The following PFKFB3 variants were observed in gnomAD, a reference collection of about 807,000 sequenced individuals.
PFKFB3 encodes the protein 6-phosphofructo-2-kinase/fructose-2,6-biphosphatase 3, also known as 6-phosphofructo-2-kinase/fructose-2,6-bisphosphatase 3.
In PFKFB3, 33 loss-of-function variants were observed where a neutral mutation model predicts 68.0. That is an observed-to-expected ratio of 0.49 (90% CI 0.37 to 0.65). PFKFB3 has a LOEUF of 0.65. PFKFB3 is among the 30% of genes least tolerant of loss of function. PFKFB3 has a pLI of 0.00. For synonymous variants in PFKFB3, 315 were observed against 288.2 expected, an observed-to-expected ratio of 1.09 and a Z score of -0.94; for missense variants, 586 against 712.2, an observed-to-expected ratio of 0.82 and a Z score of 2.02.
chr10:6,219,025 G>A (rs1208177548), intron 6 of PFKFB3, among the ~76,000 whole-genome samples: 1 of 152,248 alleles, frequency 6.6e-6, no homozygotes, highest in Non-Finnish European at 1.5e-5. Context: ...TGTTGCCTAG[G>A]AGAGCGAGCC....
intron 10 of PFKFB3, among the ~76,000 whole-genome samples, chr10:6,222,110 G>A (rs1182489621): frequency 6.6e-6 from 1 of 152,098 alleles, no homozygotes; most frequent in Non-Finnish European, 1.5e-5. Flanking sequence ...GGCTGAGGAC[G>A]CTGTTGCCTC....
the PFKFB3 span, among the ~76,000 whole-genome samples, chr10:6,305,226 G>C: frequency 4.7e-4 from 57 of 121,072 alleles, no homozygotes; most frequent in South Asian, 2.8e-3. Context: ...ATCTCACTAT[G>C]TTGCCCAGGC....
chr10:6,180,949 G>A (rs1399719359), intron 1 of PFKFB3, among the ~76,000 whole-genome samples: 1 of 152,190 alleles, frequency 6.6e-6, no homozygotes. Flanking sequence ...CTCTTTAAAA[G>A]ATAAAGTTTG....
At chr10:6,147,011 C>A (rs1841410143) in intron 1 of PFKFB3, among the ~76,000 whole-genome samples, 1 of 152,206 alleles carries the variant, frequency 6.6e-6, no homozygotes, top group Non-Finnish European at 1.5e-5. Flanking sequence ...AGGGCACAGG[C>A]TCTTGGAGGC....
In PFKFB3 at chr10:6,233,708, TGGG is replaced by T. The variant is rs1564224185; in HGVS notation, c.*770_*772del. On this transcript the variant is annotated 3_prime_UTR_variant, in exon 15 of 15. Transcript: ENST00000379775. ...GCCCCTCTCTCCTCCCACCTGGACT[TGGG>T]GGGAACTGAGAAACACTTTCCTGGA... 1 of 152,866 alleles carries T rather than the reference TGGG, an allele frequency of 6.5e-6. No individual in the cohort carries two copies. Among genetic ancestry groups the T allele is most frequent in the African/African-American group, 2.4e-5 (1 of 41,470 alleles). The allele number at this position is 152,866 out of a possible 1,614,324, so 9.5% of individuals were successfully genotyped here.
the PFKFB3 span, among the ~76,000 whole-genome samples, chr10:6,265,359 G>A: frequency 6.6e-6 from 1 of 152,122 alleles, no homozygotes; most frequent in African/African-American, 2.4e-5. Context: ...GGGATTACAG[G>A]CATGAGCCAC....
intron 5 of PFKFB3, 75 bp downstream of exon 5, chr10:6,216,855 G>A: frequency 9.8e-7 from 1 of 1,022,572 alleles, no homozygotes; most frequent in Non-Finnish European, 1.5e-6. Flanking sequence ...CCTGAGTCCT[G>A]CTTGGTCCTT....
chr10:6,295,321 A>G, the PFKFB3 span, among the ~76,000 whole-genome samples: 2 of 152,038 alleles, frequency 1.3e-5, no homozygotes, highest in Non-Finnish European at 2.9e-5. Context: ...TCCAGGGTTC[A>G]AGCCATTCTC....
the PFKFB3 span, among the ~76,000 whole-genome samples, chr10:6,260,409 G>GAT: frequency 3.7e-5 from 2 of 53,848 alleles, no homozygotes; most frequent in Non-Finnish European, 7.8e-5. Flanking sequence ...GCGAGACTCC[G>GAT]TCTCAAAAAA....
chr10:6,183,601 CA>C (rs773888395), intron 1 of PFKFB3, among the ~76,000 whole-genome samples: 2,282 of 127,792 alleles, frequency 0.018, 15 homozygotes, highest in Middle Eastern at 0.043. Flanking sequence ...CCAGCCTGGT[CA>C]AAAAAAAAAA....
At position 6,221,746 on chromosome 10, in the gene PFKFB3, G is replaced by A; in HGVS notation, c.1083+1G>A. The stretch of plus-strand genomic sequence containing the variant: ...CTATTACCGCTACCCCACCGGGGAG[G>A]TGAGCGCAGGCTGGGGCGGGCTGAC... On this transcript the variant is annotated splice_donor_variant, in intron 10 of 14. Coordinates refer to ENST00000379775, the MANE Select transcript of PFKFB3 (RefSeq NM_004566.4). LOFTEE classifies it high-confidence loss of function. 1 of 1,588,570 alleles carries A rather than the reference G, an allele frequency of 6.3e-7. No homozygotes were observed. Among genetic ancestry groups the A allele is most frequent in the Non-Finnish European group, 8.6e-7 (1 of 1,167,582 alleles).
chr10:6,192,773 C>A (rs1843069025), intron 1 of PFKFB3, among the ~76,000 whole-genome samples: 1 of 151,062 alleles, frequency 6.6e-6, no homozygotes, highest in Non-Finnish European at 1.5e-5. Context: ...ATAGAGCAGC[C>A]CAGATCAGAG....
chr10:6,209,765 CTTTTTT>C (rs56822740), intron 1 of PFKFB3, among the ~76,000 whole-genome samples: 1 of 121,268 alleles, frequency 8.2e-6, no homozygotes, highest in Non-Finnish European at 1.6e-5. Flanking sequence ...CTTACCTTTT[CTTTTTT>C]TTTTTTTTTT....
At chr10:6,297,506 CTT>C in the PFKFB3 span, among the ~76,000 whole-genome samples, 3 of 146,276 alleles carry the variant, frequency 2.1e-5, no homozygotes, top group Non-Finnish European at 3.0e-5. Context: ...AGGTGTCCTT[CTT>C]TTTTTTTTTG....
chr10:6,226,931 C>T (rs1032211453), intron 14 of PFKFB3, among the ~76,000 whole-genome samples: 2 of 152,036 alleles, frequency 1.3e-5, no homozygotes, highest in African/African-American at 4.8e-5. Flanking sequence ...ACTAAAAATA[C>T]AGAAATTAGC....
At chr10:6,268,732 G>C in the PFKFB3 span, among the ~76,000 whole-genome samples, 1 of 150,970 alleles carries the variant, frequency 6.6e-6, no homozygotes, top group Non-Finnish European at 1.5e-5. Flanking sequence ...ACATAAAGAG[G>C]TTAAAGAGGC....
intron 1 of PFKFB3, among the ~76,000 whole-genome samples, chr10:6,183,514 TGTG>T (rs1342004301): frequency 6.6e-6 from 1 of 150,908 alleles, no homozygotes; most frequent in Non-Finnish European, 1.5e-5. Context: ...TCTGGCCTGG[TGTG>T]GTGGCTCATG....
chr10:6,203,165 C>T lies in PFKFB3; in HGVS notation c.-96C>T, dbSNP rs1843445730. The T allele has an allele frequency of 3.9e-6, 6 of 1,531,166 alleles. No individual in the cohort carries two copies. The highest frequency in any genetic ancestry group is 5.3e-6 in the Non-Finnish European group (6 of 1,140,208). The allele number at this position is 1,531,166 out of a possible 1,614,324, so 94.8% of individuals were successfully genotyped here. A position where few individuals can be genotyped will look rare whatever the true frequency, so the allele number is the denominator to read the frequency against. ...GCCCGGCCGCGCGCCGGCGCACGCC[C>T]CCCTCTCCTCCTTTGTTCCGGGGGT... On this transcript the variant is annotated 5_prime_UTR_variant, in exon 1 of 15. Coordinates refer to ENST00000379775, the MANE Select transcript of PFKFB3 (RefSeq NM_004566.4).
At chr10:6,172,750 A>G (rs1187368400) in intron 1 of PFKFB3, among the ~76,000 whole-genome samples, 1 of 151,876 alleles carries the variant, frequency 6.6e-6, no homozygotes, top group Non-Finnish European at 1.5e-5. Flanking sequence ...TGAGCCCAGT[A>G]GGTCGAGGCT....
Sources: allele counts gnomAD v4.1 joint callset (sites outside exome capture counted in the v4.1 genomes callset), GRCh38; gene constraint gnomAD v4.1.1; transcripts MANE v1.5; gene names NCBI Gene and HGNC (gene_info 2026-07-23, HGNC 2026-07-21).